Variants in GULP1 observed in about 807,000 individuals in gnomAD.
The protein encoded by GULP1 is PTB domain-containing engulfment adapter protein 1.
GULP1 carries 19 observed loss-of-function variants against 40.9 expected under a neutral mutation model. The observed-to-expected ratio is 0.46, with a 90% CI of 0.32 to 0.68. GULP1 has a LOEUF of 0.68. Among genes scored for constraint, GULP1 ranks in the 30% least tolerant of loss-of-function variants. The pLI, the probability that GULP1 is intolerant of heterozygous loss-of-function variation, is 0.03. For missense variants in GULP1, 312 were observed against 362.2 expected (o/e 0.86, Z 1.12); for synonymous variants, 119 against 117.6 (o/e 1.01, Z -0.08).
chr2:188,436,845 C>T (rs1301486011), intron 2 of GULP1, among the ~76,000 whole-genome samples: 1 of 152,030 alleles, frequency 6.6e-6, no homozygotes, highest in African/African-American at 2.4e-5. Flanking sequence ...TTGGAAACCA[C>T]TTTTTAGATA....
chr2:188,461,774 A>T (rs2059728436), intron 2 of GULP1, among the ~76,000 whole-genome samples: 1 of 152,116 alleles, frequency 6.6e-6, no homozygotes. Flanking sequence ...AATTTCTGGG[A>T]TAGCAGTTGT....
intron 2 of GULP1, among the ~76,000 whole-genome samples, chr2:188,409,633 A>C (rs2053604303): frequency 6.6e-6 from 1 of 152,150 alleles, no homozygotes. Context: ...CTCAATACCA[A>C]AGCCAGACAA....
rs953418386 is a variant in GULP1 at position 188,514,089 on chromosome 2, T to C, written c.91-8667T>C. Among the ~76,000 whole-genome samples, 5 of 49,204 alleles carry C rather than the reference T, an allele frequency of 1.0e-4. No homozygotes were observed. The Admixed American group carries it at 1.2e-3, about 12-fold the overall frequency. 32.3% of individuals were successfully genotyped at this position (49,204 alleles called of 152,430 possible). ...TGTGTGTGTGTGTGTGTGTGCGCCC[T>C]GCCACTGGGTGGCGTCCTGTCTAGG... On this transcript the variant is annotated intron_variant, in intron 4 of 11. Transcript: ENST00000409830.
chr2:188,517,057 T>G (rs75870635), intron 4 of GULP1, among the ~76,000 whole-genome samples: 83 of 152,310 alleles, frequency 5.4e-4, no homozygotes, highest in Non-Finnish European at 9.7e-4. Flanking sequence ...GCTCACCCAC[T>G]AGGATGTAAG....
intron 4 of GULP1, among the ~76,000 whole-genome samples, chr2:188,517,940 TAACAACTCTTCTGTTGGGATAGGGTGAA>T (rs2153223235): frequency 6.6e-6 from 1 of 152,200 alleles, no homozygotes; most frequent in South Asian, 2.1e-4. Flanking sequence ...TTCAGATAGT[TAACAACTCTTCTGTTGGGATAGGGTGAA>T]TTAATTCCCT....
chr2:188,374,578 A>G (rs1293632480), intron 1 of GULP1, among the ~76,000 whole-genome samples: 1 of 152,136 alleles, frequency 6.6e-6, no homozygotes, highest in African/African-American at 2.4e-5. Flanking sequence ...TTCAAGTTGA[A>G]AGGGATTGTT....
intron 2 of GULP1, among the ~76,000 whole-genome samples, chr2:188,384,748 G>A (rs1422330296): frequency 6.6e-6 from 1 of 152,168 alleles, no homozygotes; most frequent in African/African-American, 2.4e-5. Flanking sequence ...CATTCCAAAT[G>A]GGAGAAATTG....
At chr2:188,417,587 A>G (rs1271381642) in intron 2 of GULP1, among the ~76,000 whole-genome samples, 3 of 152,212 alleles carry the variant, frequency 2.0e-5, no homozygotes, top group African/African-American at 7.2e-5. Context: ...CACTTAATTA[A>G]AAACTATTCT....
chr2:188,296,291 T>C (rs912843867), intron 1 of GULP1, among the ~76,000 whole-genome samples: 1 of 152,246 alleles, frequency 6.6e-6, no homozygotes, highest in South Asian at 2.1e-4. Flanking sequence ...ATCAGGCCTT[T>C]ATTTTTAAAG....
chr2:188,370,708 T>C (rs980675935), intron 1 of GULP1, among the ~76,000 whole-genome samples: 1 of 152,032 alleles, frequency 6.6e-6, no homozygotes, highest in Non-Finnish European at 1.5e-5. Flanking sequence ...CTTGAATAAA[T>C]TGCTTCTCTG....
At chr2:188,557,136 C>A (rs1275523132) in intron 7 of GULP1, among the ~76,000 whole-genome samples, 2 of 152,118 alleles carry the variant, frequency 1.3e-5, no homozygotes, top group Admixed American at 1.3e-4. Flanking sequence ...GAACACAGAT[C>A]CAAAACATAT....
intron 9 of GULP1, among the ~76,000 whole-genome samples, chr2:188,570,322 T>A (rs958641942): frequency 1.3e-5 from 2 of 152,230 alleles, no homozygotes; most frequent in African/African-American, 4.8e-5. Flanking sequence ...TCTATGTTGC[T>A]GTTTTCCTCT....
At chr2:188,332,690 T>C (rs1324025515) in intron 1 of GULP1, among the ~76,000 whole-genome samples, 1 of 151,918 alleles carries the variant, frequency 6.6e-6, no homozygotes. Flanking sequence ...AAAGTGAGGA[T>C]CAGTCTTATC....
chr2:188,405,440 T>A (rs2052939019), intron 2 of GULP1, among the ~76,000 whole-genome samples: 1 of 151,942 alleles, frequency 6.6e-6, no homozygotes, highest in Non-Finnish European at 1.5e-5. Context: ...CCCTATGGAC[T>A]GAGGCTCCAG....
intron 11 of GULP1, chr2:188,591,399 C>A (rs1703530112): frequency 6.6e-6 from 1 of 151,924 alleles, no homozygotes; most frequent in Non-Finnish European, 1.5e-5. Flanking sequence ...ACTTTTATTT[C>A]TGTTTGATAT....
At chr2:188,445,922 G>A (rs1378243174) in intron 2 of GULP1, among the ~76,000 whole-genome samples, 1 of 152,138 alleles carries the variant, frequency 6.6e-6, no homozygotes. Flanking sequence ...TTCAGCCTCT[G>A]TTGCAGGGAC....
intron 2 of GULP1, among the ~76,000 whole-genome samples, chr2:188,428,626 G>T (rs1487285004): frequency 2.6e-5 from 4 of 152,084 alleles, no homozygotes; most frequent in African/African-American, 9.7e-5. Context: ...TAAAGTGCAG[G>T]CTCCCTGTTG....
chr2:188,362,910 A>G (rs567533499), intron 1 of GULP1, among the ~76,000 whole-genome samples: 1 of 152,208 alleles, frequency 6.6e-6, no homozygotes, highest in Admixed American at 6.5e-5. Context: ...CCAACCAGTG[A>G]AGGAGAACAG....
chr2:188,335,762 G>C (rs1194976638), intron 1 of GULP1, among the ~76,000 whole-genome samples: 2 of 152,298 alleles, frequency 1.3e-5, no homozygotes, highest in East Asian at 3.9e-4. Context: ...AATCTTTGGA[G>C]ATGGCAATTA....
Sources: gnomAD v4.1 joint callset for allele counts (sites outside exome capture counted in the v4.1 genomes callset) on GRCh38, gnomAD v4.1.1 for gene constraint, MANE v1.5 for transcripts, NCBI Gene and HGNC (gene_info 2026-07-23, HGNC 2026-07-21) for gene names.